CTNNBIP1: variants seen among roughly 807,000 people sequenced by gnomAD.
CTNNBIP1 encodes the protein beta-catenin-interacting protein 1.
CTNNBIP1 carries 7 observed loss-of-function variants against 11.8 expected under a neutral mutation model. The ratio of observed to expected loss-of-function variants is 0.60; its 90% CI spans 0.34 to 1.12. The LOEUF is 1.12. Among genes scored for constraint, CTNNBIP1 ranks in the 50% most tolerant of loss-of-function variants. The pLI, the probability that CTNNBIP1 is intolerant of heterozygous loss-of-function variation, is 0.03. For missense variants in CTNNBIP1, 101 were observed against 113.4 expected (o/e 0.89, Z 0.50); for synonymous variants, 58 against 43.9 (o/e 1.32, Z -1.26).
chr1:9,908,688 C>A (rs1639670853), intron 1 of CTNNBIP1, among the ~76,000 whole-genome samples: 1 of 152,192 alleles, frequency 6.6e-6, no homozygotes, highest in African/African-American at 2.4e-5. Flanking sequence ...AATCTGGCCC[C>A]TCTCCATCTT....
intron 5 of CTNNBIP1, among the ~76,000 whole-genome samples, chr1:9,866,589 A>T (rs1390197090): frequency 6.6e-6 from 1 of 151,688 alleles, no homozygotes; most frequent in Non-Finnish European, 1.5e-5. Context: ...CTGAGGCAGG[A>T]GAATTGCTTG....
chr1:9,856,534 A>C (rs1229677970), intron 5 of CTNNBIP1, among the ~76,000 whole-genome samples: 1 of 136,940 alleles, frequency 7.3e-6, no homozygotes, highest in African/African-American at 2.8e-5. Context: ...TTTTTTTGAG[A>C]GGGAGTCTCG....
chr1:9,897,073 A>C (rs1194132116), intron 1 of CTNNBIP1, among the ~76,000 whole-genome samples: 1 of 146,108 alleles, frequency 6.8e-6, no homozygotes, highest in Non-Finnish European at 1.5e-5. Flanking sequence ...ACACGGGAGG[A>C]GGAGTTGCAA....
At chr1:9,884,509 A>G (rs902780756) in intron 1 of CTNNBIP1, among the ~76,000 whole-genome samples, 1 of 152,162 alleles carries the variant, frequency 6.6e-6, no homozygotes, top group Non-Finnish European at 1.5e-5. Flanking sequence ...GCTTCTATCT[A>G]GCAGGTCACA....
At chr1:9,858,358 C>T (rs1299227316) in intron 5 of CTNNBIP1, among the ~76,000 whole-genome samples, 1 of 152,152 alleles carries the variant, frequency 6.6e-6, no homozygotes, top group Non-Finnish European at 1.5e-5. Context: ...CCAACGCCCA[C>T]CTCCTCACTG....
At chr1:9,875,035 G>A (rs1638936455) in intron 3 of CTNNBIP1, among the ~76,000 whole-genome samples, 1 of 152,118 alleles carries the variant, frequency 6.6e-6, no homozygotes, top group Non-Finnish European at 1.5e-5. Context: ...GAAATACAAG[G>A]ACCTGGCCAC....
chr1:9,887,686 A>G (rs2101520196), intron 1 of CTNNBIP1, among the ~76,000 whole-genome samples: 1 of 151,786 alleles, frequency 6.6e-6, no homozygotes. Flanking sequence ...CTGGCAAAAG[A>G]GCAAGATTCC....
chr1:9,888,465 T>C (rs959248295), intron 1 of CTNNBIP1, among the ~76,000 whole-genome samples: 15 of 150,982 alleles, frequency 9.9e-5, no homozygotes, highest in East Asian at 3.9e-4. Context: ...GGCAGGAGAA[T>C]CGCTTGAGCC....
intron 5 of CTNNBIP1, among the ~76,000 whole-genome samples, chr1:9,857,185 T>G (rs961078259): frequency 1.4e-5 from 2 of 146,474 alleles, no homozygotes; most frequent in Non-Finnish European, 3.0e-5. Flanking sequence ...AAACCCCAAT[T>G]TAAAAAAATG....
chr1:9,888,948 T>C (rs1478286916), intron 1 of CTNNBIP1, among the ~76,000 whole-genome samples: 2 of 152,218 alleles, frequency 1.3e-5, no homozygotes, highest in East Asian at 3.8e-4. Context: ...CAGAATGCAA[T>C]GCTGCACCCA....
chr1:9,889,714 G>A (rs1639260781), intron 1 of CTNNBIP1, among the ~76,000 whole-genome samples: 1 of 152,214 alleles, frequency 6.6e-6, no homozygotes, highest in African/African-American at 2.4e-5. Context: ...GGACAGACCG[G>A]GGGTGGTTTT....
At chr1:9,876,687 G>T (rs1274999049) in intron 3 of CTNNBIP1, among the ~76,000 whole-genome samples, 1 of 152,056 alleles carries the variant, frequency 6.6e-6, no homozygotes, top group East Asian at 1.9e-4. Context: ...ATGGTGAAGG[G>T]ACAGGTCCAT....
chr1:9,857,362 C>A (rs1156738511), intron 5 of CTNNBIP1, among the ~76,000 whole-genome samples: 1 of 150,864 alleles, frequency 6.6e-6, no homozygotes, highest in Non-Finnish European at 1.5e-5. Context: ...CGCCTGTAGT[C>A]CCGGGAGGGA....
chr1:9,881,149 C>T (rs990320494), intron 2 of CTNNBIP1, among the ~76,000 whole-genome samples: 7 of 152,078 alleles, frequency 4.6e-5, no homozygotes, highest in Non-Finnish European at 8.8e-5. Flanking sequence ...AATCCACCCA[C>T]CTCAGCCTCC....
intron 1 of CTNNBIP1, chr1:9,893,237 CA>C (rs1639344438): frequency 1.3e-5 from 2 of 152,202 alleles, no homozygotes; most frequent in Admixed American, 6.5e-5. Flanking sequence ...AGAGTAGCCA[CA>C]GGGGCGGCCA....
intron 1 of CTNNBIP1, among the ~76,000 whole-genome samples, chr1:9,895,469 A>G (rs1639390813): frequency 6.6e-6 from 1 of 151,906 alleles, no homozygotes. Context: ...AAGTGCTGGG[A>G]TTACAGGCGT....
chr1:9,861,353 C>T (rs775510038), intron 5 of CTNNBIP1, among the ~76,000 whole-genome samples: 1 of 152,218 alleles, frequency 6.6e-6, no homozygotes, highest in Non-Finnish European at 1.5e-5. Flanking sequence ...TCCTCCCACA[C>T]AAACCAAGAC....
At chr1:9,853,567 G>A (rs1034255039) in intron 5 of CTNNBIP1, among the ~76,000 whole-genome samples, 3 of 152,182 alleles carry the variant, frequency 2.0e-5, no homozygotes. Flanking sequence ...AGGTAGTCTC[G>A]CTGTCCTGGA....
At position 9,901,839 on chromosome 1, in the gene CTNNBIP1, G is replaced by A. The variant is rs116750340; in HGVS notation, c.-144+8256C>T. ...CTTGAAGGGCCAGCTGATTAGCACC[G>A]GGAGTGCCACATACAGTGACATGAC... On this transcript the variant is annotated intron_variant, in intron 1 of 5. Transcript: ENST00000377263. Among the ~76,000 whole-genome samples, 217 of 152,284 alleles carry A rather than the reference G, an allele frequency of 1.4e-3. 1 individual carries two copies. Among genetic ancestry groups the A allele is most frequent in the African/African-American group, 4.9e-3 (203 of 41,564 alleles).
Sources: allele counts gnomAD v4.1 joint callset (sites outside exome capture counted in the v4.1 genomes callset), GRCh38; gene constraint gnomAD v4.1.1; transcripts MANE v1.5; gene names NCBI Gene and HGNC (gene_info 2026-07-23, HGNC 2026-07-21).